Variants in ANAPC4 observed in about 807,000 individuals in gnomAD.
ANAPC4 encodes anaphase promoting complex subunit 4.
ANAPC4 carries 63 observed loss-of-function variants against 119.8 expected under a neutral mutation model. The ratio of observed to expected loss-of-function variants is 0.53; its 90% confidence interval spans 0.43 to 0.65. The LOEUF is 0.65. Among genes scored for constraint, ANAPC4 ranks in the 30% least tolerant of loss-of-function variants. The pLI is 0.00. For missense variants in ANAPC4, 716 were observed against 945.1 expected, an observed-to-expected ratio of 0.76 and a Z score of 3.18; for synonymous variants, 283 against 318.6, an observed-to-expected ratio of 0.89 and a Z score of 1.19.
At chr4:25,388,637 C>T (rs1400296200) in intron 5 of ANAPC4, 63 bp downstream of exon 5, 3 of 1,556,420 alleles carry the variant, frequency 1.9e-6, no homozygotes, top group Admixed American at 1.8e-5. Context: ...GCTTTTAACA[C>T]TGTGACAATT....
At position 25,414,586 on chromosome 4, in the gene ANAPC4, T is replaced by A; in HGVS notation, c.1725-13T>A. ...CAATAGTTAAAAAATATTATGACAA[T>A]TTTTTTTCTTAGGTGGAATAATAAA... On this transcript the variant is annotated splice_polypyrimidine_tract_variant and intron_variant, in intron 24 of 28. Coordinates refer to ENST00000315368, the MANE Select transcript of ANAPC4 (RefSeq NM_013367.3). The A allele has an allele frequency of 6.5e-7, 1 of 1,546,086 alleles. No homozygotes were observed. Among genetic ancestry groups the A allele is most frequent in the African/African-American group, 1.4e-5 (1 of 71,900 alleles).
At chr4:25,415,026 T>G (rs1418494339) in intron 25 of ANAPC4, 1 of 180,168 alleles carries the variant, frequency 5.6e-6, no homozygotes, top group East Asian at 1.5e-4. Flanking sequence ...AAGTTTTAAC[T>G]TTTTAGAAGT....
rs112608298 is a variant in ANAPC4 at position 25,405,888 on chromosome 4, AT to A, written c.1317+271del. On this transcript the variant is annotated intron_variant, in intron 18 of 28. Transcript: ENST00000315368. The surrounding 1 kb of genome is among the most constrained non-coding windows in gnomAD (Gnocchi z 4.6). The stretch of plus-strand genomic sequence containing the variant: ...AATACATGTAAGACAGCATCCTTGT[AT>A]TCCTTACTTTGACTTCCTTAAATTT... 0.026 allele frequency among the ~76,000 whole-genome samples: 3,956 copies of A among 152,272 alleles called. 170 individuals carry two copies. Among genetic ancestry groups the A allele is most frequent in the African/African-American group, 0.087 (3,627 of 41,550 alleles).
chr4:25,408,266 C>G (rs1723370830), intron 20 of ANAPC4, among the ~76,000 whole-genome samples: 1 of 152,208 alleles, frequency 6.6e-6, no homozygotes, highest in African/African-American at 2.4e-5. Flanking sequence ...AGTGTGGAAT[C>G]TAAAATTGCA....
At chr4:25,394,741 A>C in intron 13 of ANAPC4, 28 bp downstream of exon 13, 2 of 1,604,214 alleles carry the variant, frequency 1.2e-6, no homozygotes, top group Middle Eastern at 1.7e-4. Flanking sequence ...ATGTATTCAA[A>C]TGGCTATGAA....
chr4:25,396,383 A>C (rs1279652901), intron 14 of ANAPC4, among the ~76,000 whole-genome samples: 2 of 152,234 alleles, frequency 1.3e-5, no homozygotes, highest in African/African-American at 4.8e-5. Context: ...TTGGGTGAAC[A>C]AGATGGCTGT....
chr4:25,404,113 T>C (rs1479169128), intron 17 of ANAPC4, among the ~76,000 whole-genome samples: 1 of 152,210 alleles, frequency 6.6e-6, no homozygotes, highest in Admixed American at 6.5e-5. Flanking sequence ...TGTGCTGATA[T>C]CCTTTAAACA....
chr4:25,411,934 A>G (rs1723588572), intron 21 of ANAPC4, among the ~76,000 whole-genome samples: 1 of 152,174 alleles, frequency 6.6e-6, no homozygotes, highest in Non-Finnish European at 1.5e-5. Context: ...CAGACCTCAC[A>G]GGATAAGGAT....
chr4:25,405,469 G>A lies in ANAPC4; in HGVS notation c.1271-104G>A. 1 of 994,214 alleles carries A rather than the reference G, an allele frequency of 1.0e-6. No individual in the cohort carries two copies. Among genetic ancestry groups the A allele is most frequent in the Non-Finnish European group, 1.5e-6 (1 of 661,750 alleles). The allele number at this position is 994,214 out of a possible 1,614,324, so 61.6% of individuals were successfully genotyped here. A position where few individuals can be genotyped will look rare whatever the true frequency, so the allele number is the denominator to read the frequency against. On this transcript the variant is annotated intron_variant, in intron 17 of 28. Coordinates refer to ENST00000315368, the MANE Select transcript of ANAPC4 (RefSeq NM_013367.3). This position sits in a 1 kb window ranked among gnomAD's most constrained non-coding sequence, Gnocchi z 4.6. ...TGTTGGTGAAAAGCTGTGTAAAATT[G>A]AAGATTTAGTTCAGTCAAACACCTT...
chr4:25,402,535 C>G (rs1036702572), intron 16 of ANAPC4, among the ~76,000 whole-genome samples: 1 of 152,168 alleles, frequency 6.6e-6, no homozygotes, highest in South Asian at 2.1e-4. Flanking sequence ...GAGGTAATGA[C>G]AGCACAAATT....
chr4:25,394,707 A>G lies in ANAPC4; in HGVS notation c.978A>G (p.Thr326=), dbSNP rs1722540988. Reference sequence around the variant, plus strand: ...AGACTCTCTTGATGAATCAGTTAACAGTAAAGGTGCAGTTAATGTATCTAT... The same window carrying G: ...AGACTCTCTTGATGAATCAGTTAACGGTAAAGGTGCAGTTAATGTATCTAT... ...ELQTLLMNQL[T]VKGLKKLGQS... The change falls in exon 13 of 29, where the codon ACA becomes ACG. Residue 326 remains threonine, a synonymous_variant. Transcript: ENST00000315368. The G allele has an allele frequency of 6.2e-7, 1 of 1,604,276 alleles. No individual in the cohort carries two copies. The highest frequency in any genetic ancestry group is 1.3e-5 in the African/African-American group (1 of 74,474).
intron 2 of ANAPC4, 51 bp downstream of exon 2, chr4:25,377,607 C>G (rs1560425662): frequency 6.6e-7 from 1 of 1,512,066 alleles, no homozygotes; most frequent in South Asian, 1.3e-5. Flanking sequence ...CCCGGGGGGC[C>G]CAAGAACACC....
intron 14 of ANAPC4, among the ~76,000 whole-genome samples, chr4:25,396,069 A>G (rs960899428): frequency 2.0e-5 from 3 of 152,072 alleles, no homozygotes; most frequent in East Asian, 3.9e-4. Context: ...TCTTGTCCCA[A>G]CTTGTTCTTC....
At chr4:25,393,655 C>G (rs371858852) in intron 10 of ANAPC4, 150 bp from the exon 11 acceptor site, 34 of 483,348 alleles carry the variant, frequency 7.0e-5, no homozygotes, top group Middle Eastern at 6.0e-4. Context: ...GAGCAAGACT[C>G]TGTCTCGATA....
chr4:25,405,402 T>A lies in ANAPC4; in HGVS notation c.1271-171T>A, dbSNP rs1577393008. Among the ~76,000 whole-genome samples the A allele has an allele frequency of 1.3e-5, 2 of 152,182 alleles. No individual in the cohort carries two copies. Among genetic ancestry groups the A allele is most frequent in the East Asian group, 3.8e-4 (2 of 5,206 alleles). On this transcript the variant is annotated intron_variant, in intron 17 of 28. Coordinates refer to ENST00000315368, the MANE Select transcript of ANAPC4 (RefSeq NM_013367.3). The surrounding 1 kb of genome is among the most constrained non-coding windows in gnomAD (Gnocchi z 4.6). ...TTGAACCTGAAAATATGAATCAAATTTAAGTTCTGGCACCCCTTAGTTTTT... is the reference window on the plus strand; with the variant it reads ...TTGAACCTGAAAATATGAATCAAATATAAGTTCTGGCACCCCTTAGTTTTT...
Position 25,405,222 on chromosome 4 carries a change from G to T in ANAPC4, c.1271-351G>T, listed in dbSNP as rs1244725929. Among the ~76,000 whole-genome samples the T allele has an allele frequency of 2.0e-5, 3 of 151,862 alleles. No homozygotes were observed. The highest frequency in any genetic ancestry group is 2.1e-4 in the South Asian group (1 of 4,810). The stretch of plus-strand genomic sequence containing the variant: ...TCATAAGGCTTTGGAGGAAAAAATG[G>T]CTTGCAGATTTTAAGAGCAGAAACA... On this transcript the variant is annotated intron_variant, in intron 17 of 28. Coordinates refer to ENST00000315368, the MANE Select transcript of ANAPC4 (RefSeq NM_013367.3). This position sits in a 1 kb window ranked among gnomAD's most constrained non-coding sequence, Gnocchi z 4.6.
chr4:25,394,806 A>T, intron 13 of ANAPC4, 23 bp from the exon 14 acceptor site: 1 of 1,606,782 alleles, frequency 6.2e-7, no homozygotes, highest in African/African-American at 1.3e-5. Context: ...TGTATGCTAA[A>T]TATATTTTCC....
chr4:25,382,865 A>C lies in ANAPC4; in HGVS notation c.236-396A>C, dbSNP rs553938365. ...TTTAGAAACATAAAAGAGGAATAAA[A>C]AGCATTCCAAGAACAAAGCAGATGG... On this transcript the variant is annotated intron_variant, in intron 3 of 28. Transcript: ENST00000315368. 4.6e-5 allele frequency among the ~76,000 whole-genome samples: 7 copies of C among 152,388 alleles called. No homozygotes were observed. The East Asian group carries it at 7.7e-4, about 17-fold the overall frequency.
rs1722180778 is a variant in ANAPC4 at position 25,388,838 on chromosome 4, T to G, written c.471T>G (p.Ser157Arg). 1.2e-6 allele frequency: 2 copies of G among 1,605,544 alleles called. No individual in the cohort carries two copies. The highest frequency in any genetic ancestry group is 2.2e-5 in the East Asian group (1 of 44,740). The change falls in exon 7 of 29, where the codon AGT becomes AGG. Residue 157 changes from serine (S) to arginine (R), a missense_variant and splice_region_variant. Ser to Arg is a moderately radical substitution (Grantham distance 110). This residue lies in a region of ANAPC4 where 202 missense variants were observed against 293.5 expected (regional missense o/e 0.69). Coordinates refer to ENST00000315368, the MANE Select transcript of ANAPC4 (RefSeq NM_013367.3). ...KNYSNTSKIF[S>R]EENSDEIIKL... The stretch of plus-strand genomic sequence containing the variant: ...GACCCAATTTACTTCTATATTTTAG[T>G]GAAGAAAATTCTGATGAAATTATTA...
Sources: allele counts gnomAD v4.1 joint callset (sites outside exome capture counted in the v4.1 genomes callset), GRCh38; gene constraint gnomAD v4.1.1; regional missense constraint gnomAD v4.1.1; non-coding constraint Gnocchi (gnomAD v3.1); transcripts MANE v1.5; gene names NCBI Gene and HGNC (gene_info 2026-07-23, HGNC 2026-07-21).